The following SLC45A2 variants were observed in gnomAD, a reference collection of about 807,000 sequenced individuals.
SLC45A2 encodes membrane-associated transporter protein.
Under a neutral mutation model 45.5 loss-of-function variants are expected in SLC45A2, and 36 were observed. The ratio of observed to expected loss-of-function variants is 0.79; its 90% CI spans 0.61 to 1.04. The LOEUF (loss-of-function observed/expected upper bound fraction) is 1.04. Among genes scored for constraint, SLC45A2 ranks in the 50% least tolerant of loss-of-function variants. The probability of loss-of-function intolerance (pLI) is 0.00; values close to 1 mark genes in which losing one functional copy is unlikely to be tolerated. For missense variants in SLC45A2, 719 were observed against 671.0 expected (o/e 1.07, Z -0.79); for synonymous variants, 306 against 269.3 (o/e 1.14, Z -1.33).
chr5:33,945,925 A>C, intron 6 of SLC45A2: 1 of 971,614 alleles, frequency 1.0e-6, no homozygotes, highest in South Asian at 4.8e-5. Context: ...AACTAGTAAG[A>C]GTGGTAACAC....
intron 2 of SLC45A2, among the ~76,000 whole-genome samples, chr5:33,971,816 G>A (rs1485966544): frequency 2.0e-5 from 3 of 152,014 alleles, no homozygotes; most frequent in Admixed American, 6.6e-5. Context: ...TAGTACAGAC[G>A]AGATTTCACC....
At chr5:33,971,649 A>G (rs576140010) in intron 2 of SLC45A2, among the ~76,000 whole-genome samples, 1 of 152,028 alleles carries the variant, frequency 6.6e-6, no homozygotes, top group African/African-American at 2.4e-5. Context: ...TTATTTTGAG[A>G]CGGAGTCTCA....
Position 33,944,858 on chromosome 5 carries a change from T to C in SLC45A2, c.1383A>G (p.Pro461=), listed in dbSNP as rs757836680. 1.2e-6 allele frequency: 2 copies of C among 1,612,340 alleles called. No homozygotes were observed. The highest frequency in any genetic ancestry group is 3.3e-5 in the Admixed American group (2 of 59,830). ...TCACGCTGTTGTCTGGGTCCCCTCCTGGGGCCTGCTGCCTCTGCAAAGGAA... is the reference window on the plus strand; with the variant it reads ...TCACGCTGTTGTCTGGGTCCCCTCCCGGGGCCTGCTGCCTCTGCAAAGGAA... The part of the protein sequence containing the change: ...REEEKERQQA[P]GGDPDNSVRG... The change falls in exon 7 of 7, where the codon CCA becomes CCG. Residue 461 remains proline, a synonymous_variant. Transcript: ENST00000296589.
chr5:33,969,065 CTGTGTGTGTG>C (rs66961145), intron 2 of SLC45A2, among the ~76,000 whole-genome samples: 13 of 102,468 alleles, frequency 1.3e-4, no homozygotes, highest in East Asian at 2.5e-4. Flanking sequence ...CTCTCTCTCT[CTGTGTGTGTG>C]TGTGTGTGTG....
At chr5:33,959,467 G>T (rs1333697360) in intron 3 of SLC45A2, among the ~76,000 whole-genome samples, 1 of 151,650 alleles carries the variant, frequency 6.6e-6, no homozygotes, top group East Asian at 1.9e-4. Context: ...AGGGAAAGGG[G>T]GTTGAGTCCA....
At chr5:33,966,070 G>C (rs1278627585) in intron 2 of SLC45A2, among the ~76,000 whole-genome samples, 2 of 152,130 alleles carry the variant, frequency 1.3e-5, no homozygotes, top group Non-Finnish European at 2.9e-5. Flanking sequence ...TCAGTTGGAA[G>C]AATATAGAGC....
intron 3 of SLC45A2, among the ~76,000 whole-genome samples, chr5:33,957,536 C>G (rs899561752): frequency 1.3e-5 from 2 of 152,142 alleles, no homozygotes; most frequent in Non-Finnish European, 2.9e-5. Context: ...AGACATCTCC[C>G]TGGATTGAAG....
intron 2 of SLC45A2, among the ~76,000 whole-genome samples, chr5:33,978,264 A>G (rs879263704): frequency 6.6e-6 from 1 of 152,202 alleles, no homozygotes; most frequent in Non-Finnish European, 1.5e-5. Flanking sequence ...CCAAATTCCA[A>G]CCTGACTCTG....
chr5:33,969,326 G>T (rs1752714493), intron 2 of SLC45A2, among the ~76,000 whole-genome samples: 1 of 151,834 alleles, frequency 6.6e-6, no homozygotes, highest in African/African-American at 2.4e-5. Flanking sequence ...ATATGCTCTG[G>T]TCAAAGACCA....
chr5:33,953,459 T>C (rs1752178595), intron 4 of SLC45A2, among the ~76,000 whole-genome samples: 1 of 151,706 alleles, frequency 6.6e-6, no homozygotes, highest in South Asian at 2.1e-4. Flanking sequence ...TGATGAGCAT[T>C]TCTTCATGTG....
chr5:33,947,321 C>T lies in SLC45A2; in HGVS notation c.1210G>A (p.Gly404Arg), dbSNP rs1751964782. The T allele has an allele frequency of 1.2e-6, 2 of 1,614,076 alleles. No individual in the cohort carries two copies. Among genetic ancestry groups the T allele is most frequent in the African/African-American group, 1.3e-5 (1 of 74,920 alleles). Residue 404 changes from glycine (G) to arginine (R), a missense_variant, in exon 6 of 7, where the codon GGA becomes AGA. By Grantham distance (125) the Gly-to-Arg change is moderately radical. Coordinates refer to ENST00000296589, the MANE Select transcript of SLC45A2 (RefSeq NM_016180.5). ...GTCCCCAGGCCAAACAGCAAATATCCCGTGAAGTAAAGACCCTTTAATCCA... is the reference window on the plus strand; with the variant it reads ...GTCCCCAGGCCAAACAGCAAATATCTCGTGAAGTAAAGACCCTTTAATCCA... ...YIGLKGLYFT[G>R]YLLFGLGTGF...
chr5:33,972,309 A>G, intron 2 of SLC45A2: 2 of 409,820 alleles, frequency 4.9e-6, no homozygotes, highest in Admixed American at 6.1e-5. Flanking sequence ...CAGACCAAAT[A>G]CACGGGATCT....
At chr5:33,964,049 T>C (rs757938785) in intron 2 of SLC45A2, 33 bp from the exon 3 acceptor site, 1 of 1,606,242 alleles carries the variant, frequency 6.2e-7, no homozygotes, top group Non-Finnish European at 8.5e-7. Context: ...TTAGCATATT[T>C]AGCAAATTAT....
intron 2 of SLC45A2, 42 bp downstream of exon 2, chr5:33,982,188 CTCATTG>C: frequency 6.2e-7 from 1 of 1,606,432 alleles, no homozygotes; most frequent in Non-Finnish European, 8.5e-7. Context: ...GTGGAAGTGC[CTCATTG>C]TCTGGGGAGC....
intron 3 of SLC45A2, among the ~76,000 whole-genome samples, chr5:33,961,840 C>T (rs566269994): frequency 9.2e-5 from 14 of 152,218 alleles, no homozygotes; most frequent in South Asian, 4.2e-4. Context: ...ACTAACAAGA[C>T]GGGGGGTATT....
intron 5 of SLC45A2, 90 bp from the exon 6 acceptor site, chr5:33,947,464 T>C (rs748319157): frequency 2.9e-5 from 35 of 1,195,688 alleles, no homozygotes; most frequent in Middle Eastern, 3.9e-4. Context: ...AAGATTCACC[T>C]TTTTAGACAT....
chr5:33,972,078 T>C (rs750128378), intron 2 of SLC45A2: 7 of 503,188 alleles, frequency 1.4e-5, no homozygotes, highest in Middle Eastern at 3.2e-4. Flanking sequence ...TCTAGTTCTA[T>C]TGTAGACAAG....
chr5:33,958,857 C>G (rs1752358340), intron 3 of SLC45A2, among the ~76,000 whole-genome samples: 1 of 152,292 alleles, frequency 6.6e-6, no homozygotes, highest in Admixed American at 6.5e-5. Context: ...ACAGCAGCCT[C>G]TGAGTGGATG....
intron 4 of SLC45A2, among the ~76,000 whole-genome samples, chr5:33,953,926 C>A (rs1752192487): frequency 7.9e-6 from 1 of 126,134 alleles, no homozygotes; most frequent in African/African-American, 3.1e-5. Context: ...TCTGATAAAA[C>A]AGACTTTAAA....
Sources: gnomAD v4.1 joint callset for allele counts (sites outside exome capture counted in the v4.1 genomes callset) on GRCh38, gnomAD v4.1.1 for gene constraint, MANE v1.5 for transcripts, NCBI Gene and HGNC (gene_info 2026-07-23, HGNC 2026-07-21) for gene names.